The following WWOX variants were observed in gnomAD, a reference collection of about 807,000 sequenced individuals.
The protein encoded by WWOX is WW domain containing oxidoreductase.
WWOX carries 69 observed loss-of-function variants against 46.2 expected under a neutral mutation model. The observed-to-expected ratio is 1.49, with a 90% confidence interval of 1.23 to 1.82. The LOEUF (loss-of-function observed/expected upper bound fraction) is 1.82. WWOX is among the 40% of genes most tolerant of loss of function. WWOX has a pLI of 0.00. For missense variants in WWOX, 919 were observed against 542.6 expected, an observed-to-expected ratio of 1.69 and a Z score of -6.89; for synonymous variants, 359 against 202.6, an observed-to-expected ratio of 1.77 and a Z score of -6.56.
chr16:78,844,060 A>T (rs2052233154), intron 8 of WWOX, among the ~76,000 whole-genome samples: 1 of 152,206 alleles, frequency 6.6e-6, no homozygotes, highest in Non-Finnish European at 1.5e-5. Context: ...TTTATAAATA[A>T]GCTGGTGCGT....
chr16:78,598,907 C>G (rs530035473), intron 8 of WWOX, among the ~76,000 whole-genome samples: 1 of 152,292 alleles, frequency 6.6e-6, no homozygotes, highest in South Asian at 2.1e-4. Flanking sequence ...ACACCAATAG[C>G]TCACTCAGAT....
chr16:78,736,745 G>A (rs115917292), intron 8 of WWOX, among the ~76,000 whole-genome samples: 24 of 152,136 alleles, frequency 1.6e-4, no homozygotes, highest in African/African-American at 5.1e-4. Flanking sequence ...CACTACAGGC[G>A]CATGCCTCCA....
chr16:78,495,663 G>A (rs1040190947), intron 8 of WWOX, among the ~76,000 whole-genome samples: 17 of 150,732 alleles, frequency 1.1e-4, no homozygotes, highest in African/African-American at 3.9e-4. Flanking sequence ...CCAACGCCAC[G>A]GCACCTGGCT....
rs144731016 is a variant in WWOX at position 78,688,210 on chromosome 16, C to G, written c.1056+255458C>G. ...TGTGTAGATAAAAGTGACAAGATGT[C>G]CAAATGTTTTGAAACGCAGTGATTT... On this transcript the variant is annotated intron_variant, in intron 8 of 8. Coordinates refer to ENST00000566780, the MANE Select transcript of WWOX (RefSeq NM_016373.4). Among the ~76,000 whole-genome samples the G allele has an allele frequency of 6.0e-3, 912 of 151,414 alleles. 14 individuals carry two copies. The highest frequency in any genetic ancestry group is 0.021 in the African/African-American group (851 of 41,204).
chr16:79,019,970 C>T (rs1431571621), intron 8 of WWOX, among the ~76,000 whole-genome samples: 2 of 152,178 alleles, frequency 1.3e-5, no homozygotes, highest in African/African-American at 2.4e-5. Context: ...GATCAGTTAG[C>T]CTCTCACTTC....
At chr16:79,207,537 C>T (rs1171780055) in intron 8 of WWOX, among the ~76,000 whole-genome samples, 2 of 152,204 alleles carry the variant, frequency 1.3e-5, no homozygotes, top group Non-Finnish European at 2.9e-5. Flanking sequence ...TGCAATGTCC[C>T]TGTAAGAAAG....
intron 8 of WWOX, among the ~76,000 whole-genome samples, chr16:78,706,738 C>T (rs186002203): frequency 3.5e-4 from 54 of 152,288 alleles, no homozygotes; most frequent in Non-Finnish European, 6.9e-4. Context: ...ATGGTACTGA[C>T]GCAATTGGCA....
At chr16:78,152,415 G>C (rs887274273) in intron 4 of WWOX, among the ~76,000 whole-genome samples, 8 of 152,150 alleles carry the variant, frequency 5.3e-5, no homozygotes, top group African/African-American at 1.9e-4. Context: ...ATAAATTTCT[G>C]GTTGTGGCTG....
chr16:78,553,058 T>C (rs1310007094), intron 8 of WWOX: 1 of 152,066 alleles, frequency 6.6e-6, no homozygotes, highest in African/African-American at 2.4e-5. Context: ...GTGTCACTTG[T>C]AAGTGGGAGC....
At chr16:78,244,000 C>G (rs371003932) in intron 5 of WWOX, among the ~76,000 whole-genome samples, 19 of 152,302 alleles carry the variant, frequency 1.2e-4, no homozygotes, top group African/African-American at 4.6e-4. Flanking sequence ...CGTTTGATGT[C>G]CAGTGTGGAC....
chr16:78,517,595 A>G, intron 8 of WWOX, among the ~76,000 whole-genome samples: 1 of 152,140 alleles, frequency 6.6e-6, no homozygotes, highest in Non-Finnish European at 1.5e-5. Flanking sequence ...GAGAGGGTGG[A>G]AACTGAAGTA....
intron 8 of WWOX, among the ~76,000 whole-genome samples, chr16:78,651,760 A>G (rs1214216430): frequency 1.3e-5 from 2 of 152,178 alleles, no homozygotes; most frequent in African/African-American, 2.4e-5. Context: ...CCTCTTTCGT[A>G]TCAACTTATG....
chr16:78,660,207 G>T (rs2047179264), intron 8 of WWOX, among the ~76,000 whole-genome samples: 1 of 152,090 alleles, frequency 6.6e-6, no homozygotes, highest in African/African-American at 2.4e-5. Context: ...ATAAAATATT[G>T]TCAGCAGGAG....
intron 5 of WWOX, among the ~76,000 whole-genome samples, chr16:78,383,329 A>G (rs1181837718): frequency 2.0e-5 from 3 of 152,094 alleles, no homozygotes; most frequent in Admixed American, 6.6e-5. Flanking sequence ...AAGCTGGATG[A>G]TGGGTATAGG....
intron 5 of WWOX, among the ~76,000 whole-genome samples, chr16:78,381,577 A>T (rs1174315642): frequency 6.6e-6 from 1 of 152,192 alleles, no homozygotes; most frequent in African/African-American, 2.4e-5. Flanking sequence ...GTCTGTATAC[A>T]TAATTTAAAA....
intron 8 of WWOX, among the ~76,000 whole-genome samples, chr16:78,440,203 C>A (rs549936676): frequency 6.6e-6 from 1 of 152,110 alleles, no homozygotes; most frequent in Non-Finnish European, 1.5e-5. Flanking sequence ...GAAATGCTAT[C>A]GATTTTATAG....
intron 8 of WWOX, among the ~76,000 whole-genome samples, chr16:78,570,252 A>G (rs1169211348): frequency 1.3e-5 from 2 of 152,194 alleles, no homozygotes; most frequent in Admixed American, 1.3e-4. Flanking sequence ...TTTTATTAAT[A>G]TAAAAACTTG....
intron 8 of WWOX, among the ~76,000 whole-genome samples, chr16:79,074,444 G>GTTTTTTTTTTTTTTTTT (rs2048615135): frequency 3.3e-5 from 1 of 30,600 alleles, no homozygotes; most frequent in Non-Finnish European, 6.1e-5. Context: ...TTTTTTTTTG[G>GTTTTTTTTTTTTTTTTT]TCATATTTTC....
intron 5 of WWOX, among the ~76,000 whole-genome samples, chr16:78,365,768 G>C (rs545826083): frequency 6.6e-6 from 1 of 152,074 alleles, no homozygotes; most frequent in African/African-American, 2.4e-5. Context: ...TTTTGTGTGT[G>C]CTTCTGCGTG....
Sources: allele counts gnomAD v4.1 joint callset (sites outside exome capture counted in the v4.1 genomes callset), GRCh38; gene constraint gnomAD v4.1.1; transcripts MANE v1.5; gene names NCBI Gene and HGNC (gene_info 2026-07-23, HGNC 2026-07-21).